Variants in SMAGP observed in about 807,000 individuals in gnomAD.
SMAGP encodes the protein small cell transmembrane and glycosylated protein.
Under a neutral mutation model 10.1 loss-of-function variants are expected in SMAGP, and 7 were observed. The ratio of observed to expected loss-of-function variants is 0.70; its 90% confidence interval spans 0.40 to 1.31. The LOEUF (loss-of-function observed/expected upper bound fraction) is 1.31. Ranked by LOEUF, SMAGP falls within the 50% of genes most tolerant of loss-of-function variation. The pLI, the probability that SMAGP is intolerant of heterozygous loss-of-function variation, is 0.01. For missense variants in SMAGP, 113 were observed against 116.5 expected, an observed-to-expected ratio of 0.97 and a Z score of 0.14; for synonymous variants, 49 against 47.2, an observed-to-expected ratio of 1.04 and a Z score of -0.16.
intron 2 of SMAGP, among the ~76,000 whole-genome samples, chr12:51,254,875 G>A (rs1290027896): frequency 3.3e-5 from 5 of 152,176 alleles, no homozygotes; most frequent in Non-Finnish European, 7.3e-5. Context: ...ACAGTATGGA[G>A]GCCCCTGAGT....
At chr12:51,259,006 A>C (rs937124491) in intron 2 of SMAGP, among the ~76,000 whole-genome samples, 9 of 149,850 alleles carry the variant, frequency 6.0e-5, no homozygotes, top group East Asian at 3.9e-4. Flanking sequence ...AAAAAAAAAA[A>C]AAAAACCTGA....
intron 2 of SMAGP, among the ~76,000 whole-genome samples, chr12:51,260,246 T>C (rs190905583): frequency 7.0e-6 from 1 of 142,332 alleles, no homozygotes; most frequent in East Asian, 2.2e-4. Context: ...GGATCTCTGC[T>C]CACGACAGAT....
chr12:51,247,744 A>T (rs982361788), intron 2 of SMAGP, among the ~76,000 whole-genome samples: 1 of 152,172 alleles, frequency 6.6e-6, no homozygotes, highest in Non-Finnish European at 1.5e-5. Context: ...TCCCATAAAC[A>T]GCAACACTCA....
intron 2 of SMAGP, among the ~76,000 whole-genome samples, chr12:51,259,084 T>C (rs1324854171): frequency 6.6e-6 from 1 of 151,272 alleles, no homozygotes; most frequent in Non-Finnish European, 1.5e-5. Context: ...CGGTGAGCCA[T>C]GTTTGCGCCA....
At chr12:51,250,124 C>T (rs566506486) in intron 2 of SMAGP, among the ~76,000 whole-genome samples, 1 of 147,614 alleles carries the variant, frequency 6.8e-6, no homozygotes, top group African/African-American at 2.5e-5. Flanking sequence ...AATCCCAGCA[C>T]TTTGGGAGAC....
At chr12:51,246,522 G>A (rs577420978) in intron 3 of SMAGP, 25 of 455,512 alleles carry the variant, frequency 5.5e-5, no homozygotes, top group African/African-American at 4.0e-4. Context: ...TGTAACGTCC[G>A]TATGCATATC....
chr12:51,266,588 T>C (rs1387527412), intron 2 of SMAGP, among the ~76,000 whole-genome samples: 1 of 152,190 alleles, frequency 6.6e-6, no homozygotes, highest in Non-Finnish European at 1.5e-5. Context: ...AGTTGTTCTA[T>C]TTTATTATTA....
chr12:51,267,789 C>CCA (rs1320805850), intron 2 of SMAGP, among the ~76,000 whole-genome samples: 1 of 152,118 alleles, frequency 6.6e-6, no homozygotes, highest in Non-Finnish European at 1.5e-5. Flanking sequence ...CCATACCTGG[C>CCA]CATTTCTCTC....
intron 2 of SMAGP, among the ~76,000 whole-genome samples, chr12:51,262,557 T>C (rs1354161899): frequency 6.6e-6 from 1 of 152,156 alleles, no homozygotes; most frequent in East Asian, 1.9e-4. Flanking sequence ...AAATGGCTTA[T>C]AGCTTTTCCC....
chr12:51,254,163 A>C (rs1178295177), intron 2 of SMAGP, among the ~76,000 whole-genome samples: 3 of 152,190 alleles, frequency 2.0e-5, no homozygotes, highest in African/African-American at 7.2e-5. Flanking sequence ...AAAATGGTTA[A>C]AATGGTCAAT....
intron 2 of SMAGP, among the ~76,000 whole-genome samples, chr12:51,265,934 T>C (rs892032054): frequency 2.6e-5 from 4 of 151,978 alleles, no homozygotes; most frequent in African/African-American, 9.7e-5. Context: ...TACAAAAAAT[T>C]AGCCGGGCGT....
At chr12:51,253,876 A>G (rs1052270062) in intron 2 of SMAGP, among the ~76,000 whole-genome samples, 3 of 149,464 alleles carry the variant, frequency 2.0e-5, no homozygotes, top group African/African-American at 7.7e-5. Flanking sequence ...ACTGCACTCC[A>G]GCCCAGGCGA....
Position 51,269,254 on chromosome 12 carries a change from A to G in SMAGP, c.25T>C (p.Ser9Pro), listed in dbSNP as rs1945004522. Residue 9 changes from serine to proline, a missense_variant, in exon 2 of 4, where the codon TCT becomes CCT. By Grantham distance (74) the Ser-to-Pro change is moderately conservative. Transcript: ENST00000603798. ...AAAGGCCTTCACCTACCTCTTGGAG[A>G]AGGAGTAGTCAGGAGGCTGGTCATT... Reference protein sequence around the residue: MTSLLTTPSPREELMTTPI... With the variant: MTSLLTTPPPREELMTTPI... 6.2e-7 allele frequency: 1 copy of G among 1,613,806 alleles called. No individual in the cohort carries two copies. The highest frequency in any genetic ancestry group is 1.1e-5 in the South Asian group (1 of 91,080).
At chr12:51,264,934 GAAAAA>G (rs757470160) in intron 2 of SMAGP, among the ~76,000 whole-genome samples, 1 of 68,658 alleles carries the variant, frequency 1.5e-5, no homozygotes, top group African/African-American at 4.9e-5. Context: ...TCCATCGCCA[GAAAAA>G]AAAAAAAAAA....
chr12:51,253,539 G>T (rs1393718469), intron 2 of SMAGP: 1 of 148,298 alleles, frequency 6.7e-6, no homozygotes, highest in African/African-American at 2.6e-5. Context: ...TCCAACAGTA[G>T]ATAAATGGAT....
At chr12:51,267,491 TAA>T in intron 2 of SMAGP, among the ~76,000 whole-genome samples, 1 of 15,470 alleles carries the variant, frequency 6.5e-5, no homozygotes, top group Middle Eastern at 0.029. Context: ...CGTGTCCCCC[TAA>T]CTCTTTTTTT....
chr12:51,250,739 T>C (rs1944830146), intron 2 of SMAGP, among the ~76,000 whole-genome samples: 1 of 152,142 alleles, frequency 6.6e-6, no homozygotes, highest in Admixed American at 6.6e-5. Flanking sequence ...CTAAGATGGC[T>C]CACAATGATT....
chr12:51,269,372 G>C, intron 1 of SMAGP, 56 bp from the exon 2 acceptor site: 1 of 1,401,370 alleles, frequency 7.1e-7, no homozygotes, highest in East Asian at 2.3e-5. Context: ...ATGGCTTTGA[G>C]TCCTGGAAGT....
rs1944740378 is a variant in SMAGP, at chr12:51,244,644, A to T, written c.*1297T>A. ...ATTTATACCAAAATGTGCCTTTTAA[A>T]CACAACTTATCTTGAGACTAAAATC... is the stretch of plus-strand genomic sequence containing the variant. On this transcript the variant is annotated 3_prime_UTR_variant, in exon 4 of 4. Coordinates refer to ENST00000603798, the MANE Select transcript of SMAGP (RefSeq NM_001031628.2). 6.6e-6 allele frequency: 1 copy of T among 152,008 alleles called. No individual in the cohort carries two copies. The highest frequency in any genetic ancestry group is 2.1e-4 in the South Asian group (1 of 4,834). The allele number at this position is 152,008 out of a possible 1,614,324, so 9.4% of individuals were successfully genotyped here. A position where few individuals can be genotyped will look rare whatever the true frequency, so the allele number is the denominator to read the frequency against.
Sources: gnomAD v4.1 joint callset for allele counts (sites outside exome capture counted in the v4.1 genomes callset) on GRCh38, gnomAD v4.1.1 for gene constraint, MANE v1.5 for transcripts, NCBI Gene and HGNC (gene_info 2026-07-23, HGNC 2026-07-21) for gene names.